HS2ST1: variants seen among roughly 807,000 people sequenced by gnomAD.
HS2ST1 encodes the protein heparan sulfate 2-O-sulfotransferase 1.
Under a neutral mutation model 42.9 loss-of-function variants are expected in HS2ST1, and 18 were observed. That is an observed-to-expected ratio of 0.42 (90% CI 0.29 to 0.62). The LOEUF is 0.62. Ranked by LOEUF, HS2ST1 falls within the 20% of genes least tolerant of loss-of-function variation. The probability of loss-of-function intolerance (pLI) is 0.21; values close to 1 mark genes in which losing one functional copy is unlikely to be tolerated. For synonymous variants in HS2ST1, 146 were observed against 152.9 expected, an observed-to-expected ratio of 0.95 and a Z score of 0.33; for missense variants, 334 against 433.8, an observed-to-expected ratio of 0.77 and a Z score of 2.04.
chr1:86,983,008 C>T (rs1391812718), intron 1 of HS2ST1, among the ~76,000 whole-genome samples: 2 of 152,200 alleles, frequency 1.3e-5, no homozygotes, highest in East Asian at 1.9e-4. Flanking sequence ...GAGACCACCT[C>T]AGCCTGGACC....
chr1:87,014,191 C>T (rs76688527), intron 1 of HS2ST1, among the ~76,000 whole-genome samples: 9 of 152,268 alleles, frequency 5.9e-5, no homozygotes, highest in East Asian at 5.8e-4. Flanking sequence ...AAGACATACC[C>T]GAGACTGGTC....
chr1:86,918,492 A>G (rs1660215792), intron 1 of HS2ST1, among the ~76,000 whole-genome samples: 3 of 151,768 alleles, frequency 2.0e-5, no homozygotes, highest in South Asian at 2.1e-4. Flanking sequence ...GTATATATAC[A>G]TATATATATA....
At chr1:86,923,854 A>G (rs1660355646) in intron 1 of HS2ST1, among the ~76,000 whole-genome samples, 1 of 152,050 alleles carries the variant, frequency 6.6e-6, no homozygotes, top group Non-Finnish European at 1.5e-5. Context: ...GACACAGCCA[A>G]TCCATATCAT....
intron 1 of HS2ST1, among the ~76,000 whole-genome samples, chr1:87,071,993 T>C (rs72723939): frequency 0.079 from 11,956 of 152,046 alleles, 629 homozygotes; most frequent in Non-Finnish European, 0.12. Flanking sequence ...CTTATTCATA[T>C]ATATTTATAA....
chr1:87,021,288 G>A (rs1224996262), intron 1 of HS2ST1, among the ~76,000 whole-genome samples: 3 of 152,108 alleles, frequency 2.0e-5, no homozygotes, highest in Non-Finnish European at 4.4e-5. Context: ...ACGCAGTTTA[G>A]ACCTTGTTCA....
intron 1 of HS2ST1, among the ~76,000 whole-genome samples, chr1:86,922,222 A>C (rs1660314579): frequency 6.6e-6 from 1 of 151,044 alleles, no homozygotes; most frequent in South Asian, 2.1e-4. Context: ...ATAGAATTTC[A>C]TGTGTAGTAT....
intron 1 of HS2ST1, among the ~76,000 whole-genome samples, chr1:87,029,428 T>C (rs1650171700): frequency 6.6e-6 from 1 of 152,196 alleles, no homozygotes; most frequent in Admixed American, 6.5e-5. Flanking sequence ...ATAGTAATTC[T>C]GAAAAATATT....
chr1:87,045,172 C>T lies in HS2ST1; in HGVS notation c.125-27762C>T, dbSNP rs766147947. 8.4e-4 allele frequency: 745 copies of T among 885,070 alleles called. 3 individuals carry two copies. Among genetic ancestry groups the T allele is most frequent in the Non-Finnish European group, 1.1e-3 (552 of 519,860 alleles). 54.8% of individuals were successfully genotyped at this position (885,070 alleles called of 1,614,324 possible). ...CCATTGGTTATGCTTTTGGCAGCAT[C>T]TTCAGCTTGTTTTGGCCCCACTTTT... On this transcript the variant is annotated intron_variant, in intron 1 of 6. Coordinates refer to ENST00000370550, the MANE Select transcript of HS2ST1 (RefSeq NM_012262.4).
chr1:87,053,659 T>G (rs6674591), intron 1 of HS2ST1, among the ~76,000 whole-genome samples: 1 of 151,954 alleles, frequency 6.6e-6, no homozygotes, highest in Admixed American at 6.5e-5. Context: ...TCAAAAAACA[T>G]TTTAAAGGCA....
At chr1:87,000,358 A>G (rs1321890447) in intron 1 of HS2ST1, among the ~76,000 whole-genome samples, 1 of 152,220 alleles carries the variant, frequency 6.6e-6, no homozygotes, top group African/African-American at 2.4e-5. Context: ...TTTTAATGTA[A>G]TGGAAACTGA....
chr1:87,021,520 A>G (rs955489719), intron 1 of HS2ST1, among the ~76,000 whole-genome samples: 9 of 152,002 alleles, frequency 5.9e-5, no homozygotes, highest in African/African-American at 2.2e-4. Flanking sequence ...TGGTGGTGTT[A>G]TTTATTTATT....
chr1:86,938,197 A>T (rs937969743), intron 1 of HS2ST1, among the ~76,000 whole-genome samples: 1 of 152,088 alleles, frequency 6.6e-6, no homozygotes, highest in African/African-American at 2.4e-5. Flanking sequence ...GTATTTAGAG[A>T]CATCTCTTTT....
chr1:87,050,858 AAAC>A lies in HS2ST1; in HGVS notation c.125-22075_125-22073del, dbSNP rs560986503. Among the ~76,000 whole-genome samples, 30 of 152,216 alleles carry A rather than the reference AAAC, an allele frequency of 2.0e-4. No homozygotes were observed. In the South Asian group the frequency reaches 6.2e-3, roughly 32 times the overall value. ...AGAGTCTTGGCACCATTACAGGAAA[AAAC>A]CTCTGAGGATTAGTCAGGTGTGATA... is the stretch of plus-strand genomic sequence containing the variant. On this transcript the variant is annotated intron_variant, in intron 1 of 6. Coordinates refer to ENST00000370550, the MANE Select transcript of HS2ST1 (RefSeq NM_012262.4).
intron 3 of HS2ST1, among the ~76,000 whole-genome samples, chr1:87,090,244 G>A (rs1651907353): frequency 1.3e-5 from 2 of 152,020 alleles, no homozygotes; most frequent in South Asian, 4.1e-4. Context: ...GCACCTGTGT[G>A]TTGGGCACAG....
At chr1:87,034,905 C>T (rs1007834426) in intron 1 of HS2ST1, among the ~76,000 whole-genome samples, 7 of 152,000 alleles carry the variant, frequency 4.6e-5, no homozygotes, top group Non-Finnish European at 8.8e-5. Context: ...TGAGATGGGG[C>T]GATTATCCTG....
At chr1:87,100,316 C>T in intron 5 of HS2ST1, among the ~76,000 whole-genome samples, 1 of 152,170 alleles carries the variant, frequency 6.6e-6, no homozygotes, top group Non-Finnish European at 1.5e-5. Flanking sequence ...TTATGCTCCC[C>T]CAGAGTGGTG....
intron 1 of HS2ST1, among the ~76,000 whole-genome samples, chr1:87,058,752 AGTAAT>A (rs1163299588): frequency 6.6e-6 from 1 of 151,670 alleles, no homozygotes; most frequent in African/African-American, 2.4e-5. Flanking sequence ...AATTAGGTGA[AGTAAT>A]GTACATTTAA....
chr1:87,044,484 A>G (rs1327313770), intron 1 of HS2ST1, among the ~76,000 whole-genome samples: 3 of 152,222 alleles, frequency 2.0e-5, no homozygotes, highest in South Asian at 2.1e-4. Context: ...ACAAGTTTCA[A>G]TACATAGCAT....
chr1:87,045,034 C>T (rs1650613032), intron 1 of HS2ST1: 3 of 1,316,852 alleles, frequency 2.3e-6, no homozygotes, highest in African/African-American at 2.9e-5. Context: ...CGGCTTCTCT[C>T]TTCTTCACTG....
Sources: allele counts gnomAD v4.1 joint callset (sites outside exome capture counted in the v4.1 genomes callset), GRCh38; gene constraint gnomAD v4.1.1; transcripts MANE v1.5; gene names NCBI Gene and HGNC (gene_info 2026-07-23, HGNC 2026-07-21).